The following AKAP10 variants were observed in gnomAD, a reference collection of about 807,000 sequenced individuals.
AKAP10 encodes A-kinase anchor protein 10, mitochondrial.
In AKAP10, 24 loss-of-function variants were observed where a neutral mutation model predicts 80.8. The ratio of observed to expected loss-of-function variants is 0.30; its 90% CI spans 0.22 to 0.42. The LOEUF is 0.42. AKAP10 is among the 10% of genes least tolerant of loss of function. AKAP10 has a pLI of 1.00. For synonymous variants in AKAP10, 291 were observed against 277.7 expected (o/e 1.05, Z -0.48); for missense variants, 661 against 794.9 (o/e 0.83, Z 2.03).
At chr17:19,948,241 A>G (rs779573332) in intron 4 of AKAP10, among the ~76,000 whole-genome samples, 6 of 152,170 alleles carry the variant, frequency 3.9e-5, no homozygotes, top group Non-Finnish European at 7.4e-5. Flanking sequence ...TGGACTGAGA[A>G]AAGTAATCAG....
chr17:19,918,063 T>G (rs1317034328), intron 12 of AKAP10, among the ~76,000 whole-genome samples: 2 of 148,580 alleles, frequency 1.3e-5, no homozygotes, highest in African/African-American at 5.0e-5. Context: ...CTACTAAAAA[T>G]ACAAAAATTA....
At chr17:19,947,885 A>T (rs2043152552) in intron 4 of AKAP10, among the ~76,000 whole-genome samples, 1 of 152,068 alleles carries the variant, frequency 6.6e-6, no homozygotes, top group Non-Finnish European at 1.5e-5. Context: ...ATAAACATCA[A>T]ATTTATGGTG....
At chr17:19,959,789 T>C (rs1325380216) in intron 3 of AKAP10, among the ~76,000 whole-genome samples, 1 of 152,226 alleles carries the variant, frequency 6.6e-6, no homozygotes, top group Non-Finnish European at 1.5e-5. Flanking sequence ...AATCATTTTT[T>C]TGAAGCACGT....
intron 3 of AKAP10, among the ~76,000 whole-genome samples, 176 bp downstream of exon 3, chr17:19,962,664 T>C (rs1247919947): frequency 6.6e-6 from 1 of 152,240 alleles, no homozygotes; most frequent in Non-Finnish European, 1.5e-5. Context: ...GCATGCTTTA[T>C]ATTCTATATT....
chr17:19,946,782 C>G (rs1014387973), intron 5 of AKAP10, among the ~76,000 whole-genome samples: 6 of 150,740 alleles, frequency 4.0e-5, no homozygotes, highest in African/African-American at 1.5e-4. Context: ...CCAAATGACA[C>G]AGAAATGACA....
intron 2 of AKAP10, among the ~76,000 whole-genome samples, chr17:19,967,455 T>C (rs1450300199): frequency 1.3e-5 from 2 of 152,268 alleles, no homozygotes; most frequent in African/African-American, 4.8e-5. Context: ...GTTAAGAGTA[T>C]TCTTCATTTT....
At chr17:19,962,665 A>G (rs2043367210) in intron 3 of AKAP10, among the ~76,000 whole-genome samples, 175 bp downstream of exon 3, 2 of 152,102 alleles carry the variant, frequency 1.3e-5, no homozygotes, top group South Asian at 4.1e-4. Context: ...CATGCTTTAT[A>G]TTCTATATTT....
At chr17:19,916,098 T>A (rs1308024711) in intron 12 of AKAP10, among the ~76,000 whole-genome samples, 1 of 152,160 alleles carries the variant, frequency 6.6e-6, no homozygotes, top group Non-Finnish European at 1.5e-5. Context: ...CCTTGTTCCT[T>A]TCACCAAGAA....
intron 5 of AKAP10, among the ~76,000 whole-genome samples, chr17:19,944,392 C>T (rs955938608): frequency 2.6e-5 from 4 of 152,040 alleles, no homozygotes; most frequent in Non-Finnish European, 4.4e-5. Flanking sequence ...ATATATATGC[C>T]TGTAACCTCA....
chr17:19,912,711 T>C (rs2042703846), intron 12 of AKAP10, among the ~76,000 whole-genome samples: 1 of 152,122 alleles, frequency 6.6e-6, no homozygotes. Context: ...CAAGACTGTC[T>C]CAAAAAAAGA....
chr17:19,926,271 T>C (rs2042874353), intron 10 of AKAP10, among the ~76,000 whole-genome samples: 1 of 148,036 alleles, frequency 6.8e-6, no homozygotes, highest in African/African-American at 2.5e-5. Flanking sequence ...CACCCTTTCA[T>C]GATTTAAAAA....
At position 19,906,135 on chromosome 17, in the gene AKAP10, G is replaced by A. The variant is rs184159200; in HGVS notation, c.*92C>T. The A allele has an allele frequency of 1.5e-6, 2 of 1,342,236 alleles. No individual in the cohort carries two copies. Among genetic ancestry groups the A allele is most frequent in the South Asian group, 1.2e-5 (1 of 83,218 alleles). 83.1% of individuals were successfully genotyped at this position (1,342,236 alleles called of 1,614,324 possible). ...AACAGTGACAGATCAGAAATATAGT[G>A]CTGTTTTCATTGGCTGTGTTGAAGA... On this transcript the variant is annotated 3_prime_UTR_variant, in exon 15 of 15. Coordinates refer to ENST00000225737, the MANE Select transcript of AKAP10 (RefSeq NM_007202.4).
At chr17:19,932,632 A>T (rs1474706972) in intron 9 of AKAP10, among the ~76,000 whole-genome samples, 2 of 152,084 alleles carry the variant, frequency 1.3e-5, no homozygotes, top group African/African-American at 4.8e-5. Context: ...GTCTTTGTGC[A>T]TATATTGATT....
At chr17:19,928,469 G>A (rs1458786256) in intron 10 of AKAP10, among the ~76,000 whole-genome samples, 1 of 152,160 alleles carries the variant, frequency 6.6e-6, no homozygotes, top group Non-Finnish European at 1.5e-5. Flanking sequence ...TACACTGCTG[G>A]TGGGATTGCA....
rs747476786 is a variant in AKAP10 at position 19,920,112 on chromosome 17, C to T, written c.1758G>A (p.Met586Ile). ...CCAAGTCACTGACTCTTCCAAATGT[C>T]ATCTTCCTAAATAAGAATGAACAGA... is the stretch of plus-strand genomic sequence containing the variant. Reference protein sequence around the residue: ...SLYQRTYAGKMTFGRVSDLGQ... With the variant: ...SLYQRTYAGKITFGRVSDLGQ... Residue 586 changes from methionine to isoleucine, a missense_variant, in exon 12 of 15, where the codon ATG (methionine) becomes ATA (isoleucine). Transcript: ENST00000225737. 1 of 1,609,168 alleles carries T rather than the reference C, an allele frequency of 6.2e-7. No homozygotes were observed. Among genetic ancestry groups the T allele is most frequent in the Non-Finnish European group, 8.5e-7 (1 of 1,175,670 alleles).
At chr17:19,915,832 A>G (rs1411304926) in intron 12 of AKAP10, among the ~76,000 whole-genome samples, 1 of 152,180 alleles carries the variant, frequency 6.6e-6, no homozygotes, top group Non-Finnish European at 1.5e-5. Context: ...TTGAAGCCCT[A>G]CACTAAATTT....
At chr17:19,946,247 A>AT (rs1359172933) in intron 5 of AKAP10, among the ~76,000 whole-genome samples, 2 of 15,154 alleles carry the variant, frequency 1.3e-4, no homozygotes, top group African/African-American at 4.0e-4. Context: ...TTATATATAT[A>AT]TATATATATA....
At chr17:19,921,732 A>G (rs2042819472) in intron 11 of AKAP10, among the ~76,000 whole-genome samples, 1 of 152,074 alleles carries the variant, frequency 6.6e-6, no homozygotes, top group African/African-American at 2.4e-5. Context: ...ACAAAGAAGC[A>G]TATAAAAAGA....
intron 12 of AKAP10, among the ~76,000 whole-genome samples, chr17:19,915,252 T>C (rs996530631): frequency 2.6e-5 from 4 of 152,174 alleles, no homozygotes; most frequent in African/African-American, 9.7e-5. Context: ...ATCAAGACTA[T>C]AGGTGTAACT....
Sources: gnomAD v4.1 joint callset for allele counts (sites outside exome capture counted in the v4.1 genomes callset) on GRCh38, gnomAD v4.1.1 for gene constraint, MANE v1.5 for transcripts, NCBI Gene and HGNC (gene_info 2026-07-23, HGNC 2026-07-21) for gene names.